TECTA: variants seen among roughly 807,000 people sequenced by gnomAD.
TECTA encodes the protein tectorin alpha, also known as alpha-tectorin.
Under a neutral mutation model 216.8 loss-of-function variants are expected in TECTA, and 128 were observed. The ratio of observed to expected loss-of-function variants is 0.59; its 90% CI spans 0.51 to 0.68. The LOEUF (loss-of-function observed/expected upper bound fraction) is 0.68, where lower values mean the gene tolerates loss of function less well. TECTA is among the 30% of genes least tolerant of loss of function. The probability of loss-of-function intolerance (pLI) is 0.00; values close to 1 mark genes in which losing one functional copy is unlikely to be tolerated. For synonymous variants in TECTA, 1,089 were observed against 1,117.1 expected, an observed-to-expected ratio of 0.97 and a Z score of 0.50; for missense variants, 2,551 against 2,786.2, an observed-to-expected ratio of 0.92 and a Z score of 1.90.
chr11:121,164,917 T>C (rs1947036179), intron 16 of TECTA, among the ~76,000 whole-genome samples: 1 of 152,210 alleles, frequency 6.6e-6, no homozygotes, highest in Admixed American at 6.5e-5. Context: ...TGTTATAGTG[T>C]AGTAGGTGCC....
intron 7 of TECTA, among the ~76,000 whole-genome samples, chr11:121,122,729 T>C (rs1946571000): frequency 6.8e-6 from 1 of 147,014 alleles, no homozygotes; most frequent in Non-Finnish European, 1.5e-5. Flanking sequence ...GGCATGCACC[T>C]GTAGTCCCAG....
At chr11:121,137,355 C>T in intron 10 of TECTA, 66 bp from the exon 11 acceptor site, 1 of 1,603,818 alleles carries the variant, frequency 6.2e-7, no homozygotes, top group East Asian at 2.2e-5. Context: ...CACATGCATG[C>T]ACGCACACTT....
chr11:121,159,714 A>G (rs559841616), intron 14 of TECTA, among the ~76,000 whole-genome samples: 1 of 152,280 alleles, frequency 6.6e-6, no homozygotes, highest in Non-Finnish European at 1.5e-5. Context: ...TTGGGATTTC[A>G]TTTTCAGTCA....
chr11:121,103,896 G>A (rs1196297335), intron 2 of TECTA, among the ~76,000 whole-genome samples: 1 of 152,044 alleles, frequency 6.6e-6, no homozygotes. Context: ...ATTCAAAATT[G>A]TGAACTAATT....
At chr11:121,155,420 G>A (rs1161171600) in intron 13 of TECTA, among the ~76,000 whole-genome samples, 1 of 152,170 alleles carries the variant, frequency 6.6e-6, no homozygotes, top group African/African-American at 2.4e-5. Flanking sequence ...GTCAATTTGT[G>A]AGGCTGTTGG....
At chr11:121,125,919 G>A (rs776502812) in intron 8 of TECTA, 47 bp downstream of exon 8, 1 of 1,587,382 alleles carries the variant, frequency 6.3e-7, no homozygotes, top group South Asian at 1.1e-5. Context: ...TGTGCAGGGG[G>A]CAGGGATAGG....
Position 121,102,721 on chromosome 11 carries a change from A to T in TECTA, c.56A>T (p.Gln19Leu). Residue 19 changes from glutamine to leucine, a missense_variant, in exon 2 of 24, where the codon CAG becomes CTG. Physicochemically the swap from Gln to Leu is moderately radical, Grantham distance 113. Coordinates refer to ENST00000392793, the MANE Select transcript of TECTA (RefSeq NM_005422.4). ...IWVSFIFALVQHQAQPRELMY... is the reference protein window; with the variant it reads ...IWVSFIFALVLHQAQPRELMY... The stretch of plus-strand genomic sequence containing the variant: ...GTCTCTTTCATCTTCGCACTTGTAC[A>T]GCACCAAGGTGAGTACTACAGAATT... 6.2e-7 allele frequency: 1 copy of T among 1,613,316 alleles called. No individual in the cohort carries two copies. Among genetic ancestry groups the T allele is most frequent in the Non-Finnish European group, 8.5e-7 (1 of 1,179,334 alleles).
At chr11:121,187,212 G>T (rs1024310257) in intron 20 of TECTA, among the ~76,000 whole-genome samples, 4 of 152,122 alleles carry the variant, frequency 2.6e-5, no homozygotes, top group Admixed American at 1.3e-4. Flanking sequence ...TGCATTTGGG[G>T]AACTATACAT....
chr11:121,144,637 T>C (rs1946816595), intron 11 of TECTA, among the ~76,000 whole-genome samples: 1 of 152,186 alleles, frequency 6.6e-6, no homozygotes. Flanking sequence ...TCAAAATAGT[T>C]CAAGGGCAGT....
At position 121,165,372 on chromosome 11, in the gene TECTA, C is replaced by G. The variant is rs754213928; in HGVS notation, c.5372C>G (p.Pro1791Arg). The part of the protein sequence containing the change: ...RELCGCIEPP[P>R]YGNNSHDIID... Reference sequence around the variant, plus strand: ...CTGTGTGGCTGCATCGAGCCACCCCCCTATGGAAATAGTGAGTGACATGGG... The same window carrying G: ...CTGTGTGGCTGCATCGAGCCACCCCGCTATGGAAATAGTGAGTGACATGGG... The change falls in exon 17 of 24, where the codon CCC (proline) becomes CGC (arginine). Residue 1791 changes from proline (P) to arginine (R), a missense_variant. Physicochemically the swap from Pro to Arg is moderately radical, Grantham distance 103. This residue lies in a region of TECTA where 2,375 missense variants were observed against 2,563.9 expected (regional missense o/e 0.93). Coordinates refer to ENST00000392793, the MANE Select transcript of TECTA (RefSeq NM_005422.4). 1.6e-5 allele frequency: 26 copies of G among 1,589,402 alleles called. No individual in the cohort carries two copies. In the East Asian group the frequency reaches 4.3e-4, roughly 26 times the overall value.
Position 121,127,683 on chromosome 11 carries a change from A to G in TECTA, c.1775-69A>G. On this transcript the variant is annotated intron_variant, in intron 8 of 23. Transcript: ENST00000392793. The surrounding 1 kb of genome is among the most constrained non-coding windows in gnomAD (Gnocchi z 5.0). Reference sequence around the variant, plus strand: ...ACTAAATGATCCAGGAGGAGCGTTAAGATTCTGGCGGGTTAGCACTCCGGG... The same window carrying G: ...ACTAAATGATCCAGGAGGAGCGTTAGGATTCTGGCGGGTTAGCACTCCGGG... 3.2e-6 allele frequency: 5 copies of G among 1,564,610 alleles called. No homozygotes were observed. Among genetic ancestry groups the G allele is most frequent in the South Asian group, 1.1e-5 (1 of 90,110 alleles).
At chr11:121,173,388 A>G (rs369729586) in intron 20 of TECTA, among the ~76,000 whole-genome samples, 1 of 144,190 alleles carries the variant, frequency 6.9e-6, no homozygotes, top group African/African-American at 2.6e-5. Flanking sequence ...GAAGGGATCC[A>G]GTTTCAGCTT....
intron 12 of TECTA, among the ~76,000 whole-genome samples, chr11:121,152,245 G>C (rs1946897590): frequency 6.6e-6 from 1 of 152,262 alleles, no homozygotes; most frequent in Non-Finnish European, 1.5e-5. Flanking sequence ...ATGCATGCCA[G>C]CACGTGTACT....
At position 121,137,686 on chromosome 11, in the gene TECTA, G is replaced by A; in HGVS notation, c.3207G>A (p.Arg1069=). 6.2e-7 allele frequency: 1 copy of A among 1,614,062 alleles called. No homozygotes were observed. Among genetic ancestry groups the A allele is most frequent in the Non-Finnish European group, 8.5e-7 (1 of 1,180,036 alleles). ...GCTATTGCAGTGGCACAGACAACAG[G>A]GTCCACTGCGAGACCATTCCCTGCA... ...IFCYCSGTDN[R]VHCETIPCKD... is the part of the protein sequence containing the mutation. The change falls in exon 11 of 24, where the codon AGG becomes AGA. Residue 1069 remains arginine, a synonymous_variant. Coordinates refer to ENST00000392793, the MANE Select transcript of TECTA (RefSeq NM_005422.4).
At chr11:121,137,082 A>G (rs1946734436) in intron 10 of TECTA, among the ~76,000 whole-genome samples, 1 of 152,214 alleles carries the variant, frequency 6.6e-6, no homozygotes, top group Non-Finnish European at 1.5e-5. Flanking sequence ...AAATAAGACC[A>G]CACACATATA....
intron 20 of TECTA, among the ~76,000 whole-genome samples, chr11:121,181,687 C>G (rs991728646): frequency 6.6e-6 from 1 of 152,156 alleles, no homozygotes; most frequent in African/African-American, 2.4e-5. Flanking sequence ...CAAGCTATCT[C>G]AAACTCACAA....
Position 121,113,788 on chromosome 11 carries a change from C to A in TECTA, c.790+70C>A. 1 of 1,582,168 alleles carries A rather than the reference C, an allele frequency of 6.3e-7. No homozygotes were observed. The highest frequency in any genetic ancestry group is 8.6e-7 in the Non-Finnish European group (1 of 1,158,514). ...GTAGATTGACAGGCAAGCTTTTAAGCCACGGGGGCGGACTCATTCCTGATG... is the reference window on the plus strand; with the variant it reads ...GTAGATTGACAGGCAAGCTTTTAAGACACGGGGGCGGACTCATTCCTGATG... On this transcript the variant is annotated intron_variant, in intron 6 of 23. Transcript: ENST00000392793. This position sits in a 1 kb window ranked among gnomAD's most constrained non-coding sequence, Gnocchi z 4.2.
At chr11:121,139,773 A>G (rs531265917) in intron 11 of TECTA, among the ~76,000 whole-genome samples, 3 of 152,280 alleles carry the variant, frequency 2.0e-5, no homozygotes, top group African/African-American at 7.2e-5. Context: ...TACTGCTTCA[A>G]CGATCTGAGA....
At chr11:121,123,319 C>T (rs748337870) in intron 7 of TECTA, among the ~76,000 whole-genome samples, 17 of 152,350 alleles carry the variant, frequency 1.1e-4, no homozygotes, top group Non-Finnish European at 1.8e-4. Flanking sequence ...CTTACTCACC[C>T]GTACTAGATG....
Sources: allele counts gnomAD v4.1 joint callset (sites outside exome capture counted in the v4.1 genomes callset), GRCh38; gene constraint gnomAD v4.1.1; regional missense constraint gnomAD v4.1.1; non-coding constraint Gnocchi (gnomAD v3.1); transcripts MANE v1.5; gene names NCBI Gene and HGNC (gene_info 2026-07-23, HGNC 2026-07-21).